The following THSD4 variants were observed in gnomAD, a reference collection of about 807,000 sequenced individuals.
THSD4 encodes thrombospondin type-1 domain-containing protein 4.
THSD4 carries 69 observed loss-of-function variants against 119.0 expected under a neutral mutation model. The ratio of observed to expected loss-of-function variants is 0.58; its 90% CI spans 0.48 to 0.71. The LOEUF is 0.71. Ranked by LOEUF, THSD4 falls within the 30% of genes least tolerant of loss-of-function variation. The probability of loss-of-function intolerance (pLI) is 0.00; values close to 1 mark genes in which losing one functional copy is unlikely to be tolerated. For missense variants in THSD4, 1,393 were observed against 1,391.1 expected (o/e 1.00, Z -0.02); for synonymous variants, 524 against 540.4 (o/e 0.97, Z 0.42).
chr15:71,194,369 G>GC (rs2043701794), intron 3 of THSD4, among the ~76,000 whole-genome samples: 1 of 152,144 alleles, frequency 6.6e-6, no homozygotes, highest in South Asian at 2.1e-4. Flanking sequence ...CTTTGCCCCA[G>GC]CCACCTGCTA....
intron 6 of THSD4, among the ~76,000 whole-genome samples, chr15:71,364,928 T>G (rs1376425586): frequency 3.3e-5 from 5 of 152,166 alleles, no homozygotes; most frequent in Admixed American, 6.5e-5. Context: ...ATTGCAGTTG[T>G]TTGAGACAGC....
intron 3 of THSD4, among the ~76,000 whole-genome samples, chr15:71,171,883 A>G (rs1479447695): frequency 6.6e-6 from 1 of 152,206 alleles, no homozygotes; most frequent in Non-Finnish European, 1.5e-5. Context: ...AGGAAGTATG[A>G]TATTATAAGG....
intron 8 of THSD4, among the ~76,000 whole-genome samples, chr15:71,710,024 C>T (rs752674773): frequency 7.2e-5 from 11 of 152,186 alleles, no homozygotes; most frequent in Non-Finnish European, 1.3e-4. Context: ...GGCTGGATGT[C>T]ACTTGGTGAT....
At chr15:71,728,873 T>A in intron 9 of THSD4, 149 bp downstream of exon 9, 2 of 1,011,194 alleles carry the variant, frequency 2.0e-6, no homozygotes, top group Non-Finnish European at 3.0e-6. Flanking sequence ...CTTGAATGCT[T>A]GGCGTTCATC....
chr15:71,347,287 A>C (rs899424737), intron 6 of THSD4, among the ~76,000 whole-genome samples: 2 of 151,990 alleles, frequency 1.3e-5, no homozygotes, highest in Non-Finnish European at 2.9e-5. Flanking sequence ...GAATGTAATC[A>C]ATTTCACATC....
At chr15:71,518,344 T>G (rs942826263) in intron 7 of THSD4, among the ~76,000 whole-genome samples, 7 of 152,138 alleles carry the variant, frequency 4.6e-5, no homozygotes, top group Admixed American at 2.0e-4. Flanking sequence ...GGATCCACTA[T>G]TCTCAGGAAA....
chr15:71,332,895 T>TTTTTTTTTTTTTTAC (rs1408598033), intron 6 of THSD4, among the ~76,000 whole-genome samples: 1 of 126,746 alleles, frequency 7.9e-6, no homozygotes, highest in Non-Finnish European at 1.7e-5. Flanking sequence ...TTTTTACATT[T>TTTTTTTTTTTTTTAC]TTTTTTTTTT....
chr15:71,597,103 A>G (rs1400511881), intron 7 of THSD4, among the ~76,000 whole-genome samples: 1 of 152,106 alleles, frequency 6.6e-6, no homozygotes, highest in African/African-American at 2.4e-5. Flanking sequence ...TGTTCCAAAA[A>G]ATACTGTTGT....
At chr15:71,360,492 C>G (rs1210789963) in intron 6 of THSD4, among the ~76,000 whole-genome samples, 1 of 152,070 alleles carries the variant, frequency 6.6e-6, no homozygotes, top group Non-Finnish European at 1.5e-5. Context: ...GGATAAAGAC[C>G]CATAAATATT....
intron 7 of THSD4, among the ~76,000 whole-genome samples, chr15:71,567,191 T>G (rs2049258609): frequency 6.6e-6 from 1 of 152,160 alleles, no homozygotes; most frequent in Non-Finnish European, 1.5e-5. Context: ...TCATGGTGTT[T>G]CCTGGAAGCA....
intron 6 of THSD4, among the ~76,000 whole-genome samples, chr15:71,307,912 G>A (rs11633212): frequency 0.55 from 83,936 of 152,138 alleles, 23,998 homozygotes; most frequent in East Asian, 0.72. Context: ...TCCCCTCCCA[G>A]TGGAGTTGCA....
chr15:71,100,241 A>G (rs1251426973), intron 1 of THSD4, among the ~76,000 whole-genome samples: 1 of 152,186 alleles, frequency 6.6e-6, no homozygotes, highest in Non-Finnish European at 1.5e-5. Context: ...TGGTAAGGTG[A>G]TGGAATGTCA....
intron 6 of THSD4, among the ~76,000 whole-genome samples, chr15:71,326,689 AAAAAAAAAAAAATATAT>A (rs1297535415): frequency 7.1e-4 from 38 of 53,418 alleles, no homozygotes; most frequent in African/African-American, 2.7e-3. Flanking sequence ...AAAAAAAAAA[AAAAAAAAAAAAATATAT>A]ATATATATAT....
chr15:71,100,081 C>G (rs2040247935), intron 1 of THSD4, among the ~76,000 whole-genome samples: 3 of 152,194 alleles, frequency 2.0e-5, no homozygotes, highest in South Asian at 4.1e-4. Flanking sequence ...CATTCAGTCT[C>G]TGTCTTTTAA....
intron 8 of THSD4, among the ~76,000 whole-genome samples, chr15:71,704,162 A>C (rs1370246220): frequency 6.6e-6 from 1 of 152,198 alleles, no homozygotes; most frequent in South Asian, 2.1e-4. Context: ...AAACTCTACA[A>C]AGTTTTTAAC....
At chr15:71,483,997 A>G (rs1398954255) in intron 7 of THSD4, among the ~76,000 whole-genome samples, 1 of 152,154 alleles carries the variant, frequency 6.6e-6, no homozygotes, top group African/African-American at 2.4e-5. Context: ...CCTATTTCAC[A>G]GGGTGTGAAC....
At chr15:71,195,741 TG>T (rs1342716257) in intron 3 of THSD4, among the ~76,000 whole-genome samples, 1 of 151,930 alleles carries the variant, frequency 6.6e-6, no homozygotes, top group African/African-American at 2.4e-5. Context: ...GTTGGGTGGA[TG>T]GGGTTGGGGG....
chr15:71,338,879 C>T (rs150881597), intron 6 of THSD4, among the ~76,000 whole-genome samples: 12 of 152,190 alleles, frequency 7.9e-5, no homozygotes, highest in Non-Finnish European at 1.6e-4. Context: ...AGGGTCTGGC[C>T]ATTGTCTGGA....
intron 7 of THSD4, among the ~76,000 whole-genome samples, chr15:71,457,561 T>C (rs959537874): frequency 1.6e-4 from 25 of 151,924 alleles, no homozygotes; most frequent in Non-Finnish European, 3.2e-4. Flanking sequence ...CACCTACCAT[T>C]CCCACTCAGC....
Sources: gnomAD v4.1 joint callset for allele counts (sites outside exome capture counted in the v4.1 genomes callset) on GRCh38, gnomAD v4.1.1 for gene constraint, MANE v1.5 for transcripts, NCBI Gene and HGNC (gene_info 2026-07-23, HGNC 2026-07-21) for gene names.